Variants in DCLK2 observed in about 807,000 individuals in gnomAD.
DCLK2 encodes the protein doublecortin like kinase 2.
In DCLK2, 31 loss-of-function variants were observed where a neutral mutation model predicts 78.4. The observed-to-expected ratio is 0.40, with a 90% CI of 0.30 to 0.53. The LOEUF (loss-of-function observed/expected upper bound fraction) is 0.53, where lower values mean the gene tolerates loss of function less well. Among genes scored for constraint, DCLK2 ranks in the 20% least tolerant of loss-of-function variants. The probability of loss-of-function intolerance (pLI) is 0.61; values close to 1 mark genes in which losing one functional copy is unlikely to be tolerated. For missense variants in DCLK2, 872 were observed against 973.7 expected (o/e 0.90, Z 1.39); for synonymous variants, 407 against 374.9 (o/e 1.09, Z -0.99).
chr4:150,151,941 A>G (rs964428949), intron 2 of DCLK2, among the ~76,000 whole-genome samples: 8 of 152,010 alleles, frequency 5.3e-5, no homozygotes, highest in Non-Finnish European at 8.8e-5. Context: ...AAAAAATAAT[A>G]ATAATTTATG....
At chr4:150,246,552 T>G (rs1456521575) in intron 12 of DCLK2, among the ~76,000 whole-genome samples, 2 of 152,328 alleles carry the variant, frequency 1.3e-5, no homozygotes, top group East Asian at 3.9e-4. Flanking sequence ...GGGTAATACT[T>G]AACTTGCACT....
At chr4:150,149,769 C>A (rs1023193082) in intron 2 of DCLK2, among the ~76,000 whole-genome samples, 3 of 152,142 alleles carry the variant, frequency 2.0e-5, no homozygotes, top group Non-Finnish European at 4.4e-5. Flanking sequence ...GTGTTTAATA[C>A]ATAAAATCTG....
intron 2 of DCLK2, among the ~76,000 whole-genome samples, chr4:150,179,675 A>G (rs1424523875): frequency 6.6e-6 from 1 of 152,194 alleles, no homozygotes; most frequent in Non-Finnish European, 1.5e-5. Flanking sequence ...TAAAGGTCAT[A>G]ATATTATTAA....
chr4:150,141,060 G>A (rs187156548), intron 2 of DCLK2, among the ~76,000 whole-genome samples: 361 of 152,302 alleles, frequency 2.4e-3, no homozygotes, highest in African/African-American at 7.9e-3. Flanking sequence ...TGGCAACTGT[G>A]TGTGGCTTTG....
chr4:150,226,206 G>A (rs1316719929), intron 8 of DCLK2, among the ~76,000 whole-genome samples: 2 of 144,476 alleles, frequency 1.4e-5, no homozygotes, highest in Non-Finnish European at 3.0e-5. Context: ...GAAAATCCAG[G>A]AGGCAAATTT....
At chr4:150,250,439 G>A (rs980410419) in intron 15 of DCLK2, among the ~76,000 whole-genome samples, 4 of 152,188 alleles carry the variant, frequency 2.6e-5, no homozygotes, top group African/African-American at 9.6e-5. Context: ...ACCCTGGGCG[G>A]GAAGGCCAGC....
intron 1 of DCLK2, among the ~76,000 whole-genome samples, chr4:150,091,924 T>G (rs1453244782): frequency 6.6e-6 from 1 of 152,092 alleles, no homozygotes; most frequent in Non-Finnish European, 1.5e-5. Flanking sequence ...CTTTCTCATC[T>G]TCATAACTGG....
At chr4:150,133,148 C>A (rs1038574676) in intron 2 of DCLK2, among the ~76,000 whole-genome samples, 2 of 152,196 alleles carry the variant, frequency 1.3e-5, no homozygotes, top group Non-Finnish European at 2.9e-5. Context: ...CAGCATTATG[C>A]CCGGGGACCA....
intron 2 of DCLK2, among the ~76,000 whole-genome samples, chr4:150,118,266 T>A (rs1478598015): frequency 6.6e-6 from 1 of 151,840 alleles, no homozygotes; most frequent in Non-Finnish European, 1.5e-5. Context: ...CAAAAAAAAA[T>A]TGTTTTAGGT....
chr4:150,200,515 C>A (rs1739376693), intron 4 of DCLK2, among the ~76,000 whole-genome samples: 1 of 152,134 alleles, frequency 6.6e-6, no homozygotes, highest in Non-Finnish European at 1.5e-5. Context: ...ATAGCGTGTT[C>A]TTTCCACTTT....
chr4:150,120,607 A>T (rs1732459139), intron 2 of DCLK2, among the ~76,000 whole-genome samples: 1 of 152,244 alleles, frequency 6.6e-6, no homozygotes, highest in Admixed American at 6.5e-5. Flanking sequence ...GCTGCAATAA[A>T]GTTAATGACA....
At position 150,175,184 on chromosome 4, in the gene DCLK2, T is replaced by A. The variant is rs1424159400; in HGVS notation, c.757-17954T>A. Among the ~76,000 whole-genome samples, 49 of 120,770 alleles carry A rather than the reference T, an allele frequency of 4.1e-4. 4 individuals carry two copies. In the East Asian group the frequency reaches 0.01, roughly 25 times the overall value. The allele number at this position is 120,770 out of a possible 152,430, so 79.2% of individuals were successfully genotyped here. A position where few individuals can be genotyped will look rare whatever the true frequency, so the allele number is the denominator to read the frequency against. On this transcript the variant is annotated intron_variant, in intron 2 of 15. Coordinates refer to ENST00000296550, the MANE Select transcript of DCLK2 (RefSeq NM_001040260.4). ...ATAATTTATATATATTTATATATATTTATAATTTATCTATATATATTTATA... is the reference window on the plus strand; with the variant it reads ...ATAATTTATATATATTTATATATATATATAATTTATCTATATATATTTATA...
chr4:150,253,048 G>A (rs940359474), intron 15 of DCLK2, among the ~76,000 whole-genome samples: 1 of 152,082 alleles, frequency 6.6e-6, no homozygotes, highest in African/African-American at 2.4e-5. Flanking sequence ...TTGTGTGGGG[G>A]AACTTGCGAT....
intron 2 of DCLK2, among the ~76,000 whole-genome samples, chr4:150,160,663 G>C (rs776117635): frequency 6.6e-6 from 1 of 152,170 alleles, no homozygotes. Flanking sequence ...ACTGTGTTCC[G>C]CTAAGACTCC....
intron 1 of DCLK2, 34 bp downstream of exon 1, chr4:150,079,482 CGGAGCGCCGGCAGGTGCAGT>C (rs1560751949): frequency 9.7e-6 from 14 of 1,440,668 alleles, no homozygotes; most frequent in Middle Eastern, 4.1e-4. Flanking sequence ...GCAGGTGCGG[CGGAGCGCCGGCAGGTGCAGT>C]GGGCGTGAGC....
intron 5 of DCLK2, among the ~76,000 whole-genome samples, chr4:150,204,182 A>G (rs535313037): frequency 1.3e-5 from 2 of 152,304 alleles, no homozygotes; most frequent in African/African-American, 4.8e-5. Context: ...TAGTTTTCCA[A>G]TTATTATCAA....
chr4:150,136,139 G>A (rs756400636), intron 2 of DCLK2, among the ~76,000 whole-genome samples: 2 of 152,200 alleles, frequency 1.3e-5, no homozygotes, highest in Admixed American at 6.5e-5. Flanking sequence ...ATCTCGTGGA[G>A]GAAGGGAGGA....
Position 150,256,583 on chromosome 4 carries a change from T to C in DCLK2, c.*336T>C. On this transcript the variant is annotated 3_prime_UTR_variant, in exon 16 of 16. Coordinates refer to ENST00000296550, the MANE Select transcript of DCLK2 (RefSeq NM_001040260.4). ...TGTGCAACTTTATTCCAGCATTCGA[T>C]GCATTTTTATAGAAACACTTTGGAA... 3.5e-6 allele frequency: 1 copy of C among 282,620 alleles called. No individual in the cohort carries two copies. The highest frequency in any genetic ancestry group is 6.5e-6 in the Non-Finnish European group (1 of 153,310). 17.5% of individuals were successfully genotyped at this position (282,620 alleles called of 1,614,324 possible).
At chr4:150,219,544 C>T (rs933151778) in intron 5 of DCLK2, among the ~76,000 whole-genome samples, 6 of 152,096 alleles carry the variant, frequency 3.9e-5, no homozygotes, top group African/African-American at 1.4e-4. Context: ...TATAGGTGTG[C>T]ACCACCGCAC....
Sources: allele counts gnomAD v4.1 joint callset (sites outside exome capture counted in the v4.1 genomes callset), GRCh38; gene constraint gnomAD v4.1.1; transcripts MANE v1.5; gene names NCBI Gene and HGNC (gene_info 2026-07-23, HGNC 2026-07-21).